FGF20: variants seen among roughly 807,000 people sequenced by gnomAD.
FGF20 encodes fibroblast growth factor 20.
FGF20 carries 8 observed loss-of-function variants against 16.7 expected under a neutral mutation model. The observed-to-expected ratio is 0.48, with a 90% CI of 0.28 to 0.87. FGF20 has a LOEUF of 0.87. Ranked by LOEUF, FGF20 falls within the 40% of genes least tolerant of loss-of-function variation. FGF20 has a pLI of 0.10. For missense variants in FGF20, 397 were observed against 281.4 expected, an observed-to-expected ratio of 1.41 and a Z score of -2.94; for synonymous variants, 161 against 118.6, an observed-to-expected ratio of 1.36 and a Z score of -2.32.
chr8:16,992,972 T>C lies in FGF20; in HGVS notation c.*100A>G. On this transcript the variant is annotated 3_prime_UTR_variant, in exon 3 of 3. Transcript: ENST00000180166. ...CAGTCTCTCAGTAGAAAATAGACTT[T>C]AATATTTTGAACGTCTCCTTGGGTC... 7.1e-7 allele frequency: 1 copy of C among 1,411,256 alleles called. No homozygotes were observed. Among genetic ancestry groups the C allele is most frequent in the Non-Finnish European group, 9.6e-7 (1 of 1,046,142 alleles). The allele number at this position is 1,411,256 out of a possible 1,614,324, so 87.4% of individuals were successfully genotyped here. A position where few individuals can be genotyped will look rare whatever the true frequency, so the allele number is the denominator to read the frequency against.
intron 1 of FGF20, 94 bp downstream of exon 1, chr8:17,001,653 C>A: frequency 7.4e-7 from 1 of 1,354,574 alleles, no homozygotes; most frequent in Non-Finnish European, 9.7e-7. Flanking sequence ...GCGGCGATGA[C>A]GCCCTTGGCA....
At chr8:16,999,623 A>G (rs1810135918) in intron 1 of FGF20, among the ~76,000 whole-genome samples, 1 of 150,108 alleles carries the variant, frequency 6.7e-6, no homozygotes, top group Non-Finnish European at 1.5e-5. Flanking sequence ...CCCGGGTTCA[A>G]GCAATTCTCT....
At chr8:16,999,485 C>T (rs2150436202) in intron 1 of FGF20, among the ~76,000 whole-genome samples, 1 of 147,420 alleles carries the variant, frequency 6.8e-6, no homozygotes, top group Non-Finnish European at 1.5e-5. Flanking sequence ...TTTTTTCTGT[C>T]ACTGGAGAGA....
At position 16,992,861 on chromosome 8, in the gene FGF20, A is replaced by G; in HGVS notation, c.*211T>C. Reference sequence around the variant, plus strand: ...AGGACTAATCCAATGTATCTAAGGGAACTTAATCCACATATAAAGAGTGAT... The same window carrying G: ...AGGACTAATCCAATGTATCTAAGGGGACTTAATCCACATATAAAGAGTGAT... On this transcript the variant is annotated 3_prime_UTR_variant, in exon 3 of 3. Coordinates refer to ENST00000180166, the MANE Select transcript of FGF20 (RefSeq NM_019851.3). 1 of 563,554 alleles carries G rather than the reference A, an allele frequency of 1.8e-6. No homozygotes were observed. The highest frequency in any genetic ancestry group is 3.0e-6 in the Non-Finnish European group (1 of 328,494). The allele number at this position is 563,554 out of a possible 1,614,324, so 34.9% of individuals were successfully genotyped here. A position where few individuals can be genotyped will look rare whatever the true frequency, so the allele number is the denominator to read the frequency against.
Position 16,993,251 on chromosome 8 carries a change from A to G in FGF20, c.457T>C (p.Ser153Pro). Reference protein sequence around the residue: ...FEENWYNTYSSNIYKHGDTGR... With the variant: ...FEENWYNTYSPNIYKHGDTGR... ...GTGTCTCCATGTTTATATATGTTAG[A>G]TGAATAGGTGTTATACCAGTTCTCT... Residue 153 changes from serine (S) to proline (P), a missense_variant, in exon 3 of 3, where the codon TCT (serine) becomes CCT (proline). Coordinates refer to ENST00000180166, the MANE Select transcript of FGF20 (RefSeq NM_019851.3). The G allele has an allele frequency of 6.2e-7, 1 of 1,614,082 alleles. No homozygotes were observed. Among genetic ancestry groups the G allele is most frequent in the South Asian group, 1.1e-5 (1 of 91,078 alleles).
At chr8:16,995,347 AT>A (rs1810017926) in intron 2 of FGF20, among the ~76,000 whole-genome samples, 2 of 152,242 alleles carry the variant, frequency 1.3e-5, no homozygotes, top group African/African-American at 2.4e-5. Flanking sequence ...CAAGAAAAAA[AT>A]ATTCTCCCTT....
At chr8:16,999,348 T>C (rs1810129625) in intron 1 of FGF20, among the ~76,000 whole-genome samples, 1 of 152,158 alleles carries the variant, frequency 6.6e-6, no homozygotes, top group African/African-American at 2.4e-5. Flanking sequence ...AATTCTGATA[T>C]TCAACTTCCA....
Position 16,993,029 on chromosome 8 carries a change from G to C in FGF20, c.*43C>G. ...TTATGATGGGAACTATGACAAGAAA[G>C]AATGGTTGTGGTTTGACTCTTCCAT... is the stretch of plus-strand genomic sequence containing the variant. On this transcript the variant is annotated 3_prime_UTR_variant, in exon 3 of 3. Coordinates refer to ENST00000180166, the MANE Select transcript of FGF20 (RefSeq NM_019851.3). 1.3e-6 allele frequency: 2 copies of C among 1,589,248 alleles called. No homozygotes were observed.
At chr8:16,993,380 G>C in intron 2 of FGF20, 63 bp from the exon 3 acceptor site, 1 of 1,424,254 alleles carries the variant, frequency 7.0e-7, no homozygotes, top group South Asian at 1.4e-5. Context: ...TTCCTTACAA[G>C]TTTCAACTCT....
chr8:16,993,861 T>A (rs1414391275), intron 2 of FGF20, among the ~76,000 whole-genome samples: 1 of 152,072 alleles, frequency 6.6e-6, no homozygotes, highest in African/African-American at 2.4e-5. Context: ...CATGCTCCTA[T>A]GAGAATTTAA....
intron 1 of FGF20, among the ~76,000 whole-genome samples, chr8:16,999,711 T>C (rs996660967): frequency 6.7e-6 from 1 of 150,302 alleles, no homozygotes; most frequent in Admixed American, 6.6e-5. Context: ...TTTTGTATTT[T>C]TTGTATTTTT....
rs140376782 is a variant in FGF20 at position 16,995,800 on chromosome 8, T to C, written c.287-42A>G. ...TTCATAAAAACACCATGTTTTGTAT[T>C]TATGCATGAGCATATGACTAACAAA... is the stretch of plus-strand genomic sequence containing the variant. On this transcript the variant is annotated intron_variant, in intron 1 of 2. Transcript: ENST00000180166. The C allele has an allele frequency of 1.3e-4, 150 of 1,188,602 alleles. 1 individual carries two copies. The African/African-American group carries it at 2.1e-3, about 16-fold the overall frequency. 73.6% of individuals were successfully genotyped at this position (1,188,602 alleles called of 1,614,324 possible).
intron 2 of FGF20, among the ~76,000 whole-genome samples, chr8:16,993,774 G>A (rs753844641): frequency 2.0e-4 from 31 of 152,146 alleles, no homozygotes; most frequent in Non-Finnish European, 3.5e-4. Flanking sequence ...CGGATGCAGT[G>A]ACACATCATC....
intron 1 of FGF20, 65 bp from the exon 2 acceptor site, chr8:16,995,823 A>G (rs1003420585): frequency 1.4e-5 from 13 of 918,670 alleles, no homozygotes; most frequent in African/African-American, 6.6e-5. Context: ...TATGACTAAC[A>G]AAAATCTTCC....
chr8:16,997,259 C>T (rs185130338), intron 1 of FGF20, among the ~76,000 whole-genome samples: 3 of 152,142 alleles, frequency 2.0e-5, no homozygotes, highest in Non-Finnish European at 2.9e-5. Context: ...TTCAACTCTG[C>T]TGAAAAAGCA....
In FGF20 at chr8:16,995,651, G is replaced by T. The variant is rs373813503; in HGVS notation, c.390+4C>A. The T allele has an allele frequency of 5.9e-6, 8 of 1,355,424 alleles. No homozygotes were observed. The highest frequency in any genetic ancestry group is 1.3e-5 in the South Asian group (1 of 76,582). The allele number at this position is 1,355,424 out of a possible 1,614,324, so 84.0% of individuals were successfully genotyped here. ...TAATAATAAAAAATAAAAATAATAC[G>T]TACTGATCCATAGAGTTCTCCTTTG... On this transcript the variant is annotated splice_donor_region_variant and intron_variant, in intron 2 of 2. Transcript: ENST00000180166.
rs1004806175 is a variant in FGF20 at position 17,001,886 on chromosome 8, G to A, written c.147C>T (p.Arg49=). 1.4e-6 allele frequency: 2 copies of A among 1,437,410 alleles called. No individual in the cohort carries two copies. Among genetic ancestry groups the A allele is most frequent in the Admixed American group, 3.3e-5 (1 of 30,266 alleles). 89.0% of individuals were successfully genotyped at this position (1,437,410 alleles called of 1,614,324 possible). The change falls in exon 1 of 3, where the codon CGC becomes CGT. Residue 49 remains arginine, a synonymous_variant. Transcript: ENST00000180166. The part of the protein sequence containing the change: ...ERRSAAERSA[R]GGPGAAQLAH... The stretch of plus-strand genomic sequence containing the variant: ...CCAGCTGCGCAGCCCCCGGCCCGCC[G>A]CGCGCGCTCCGCTCCGCCGCGCTCC...
At chr8:16,997,795 G>A (rs1810089623) in intron 1 of FGF20, among the ~76,000 whole-genome samples, 2 of 152,076 alleles carry the variant, frequency 1.3e-5, no homozygotes, top group African/African-American at 4.8e-5. Flanking sequence ...TAGCAAAAGA[G>A]TCCTGCCGGA....
chr8:16,994,407 T>C (rs1370996522), intron 2 of FGF20, among the ~76,000 whole-genome samples: 1 of 152,262 alleles, frequency 6.6e-6, no homozygotes, highest in Non-Finnish European at 1.5e-5. Context: ...ATGGACTGTA[T>C]ATTGTCCTAA....
Sources: gnomAD v4.1 joint callset for allele counts (sites outside exome capture counted in the v4.1 genomes callset) on GRCh38, gnomAD v4.1.1 for gene constraint, MANE v1.5 for transcripts, NCBI Gene and HGNC (gene_info 2026-07-23, HGNC 2026-07-21) for gene names.